Variants in ADO observed in about 807,000 individuals in gnomAD.
The protein encoded by ADO is 2-aminoethanethiol dioxygenase, also known as 2-aminoethanethiol (cysteamine) dioxygenase.
A neutral mutation model predicts 16.6 loss-of-function variants in ADO; 9 were observed. The ratio of observed to expected loss-of-function variants is 0.54; its 90% confidence interval spans 0.33 to 0.95. The LOEUF is 0.95. Among genes scored for constraint, ADO ranks in the 40% least tolerant of loss-of-function variants. The pLI, the probability that ADO is intolerant of heterozygous loss-of-function variation, is 0.03. For missense variants in ADO, 356 were observed against 386.4 expected (o/e 0.92, Z 0.66); for synonymous variants, 189 against 179.6 (o/e 1.05, Z -0.42).
chr10:62,805,307 C>A lies in ADO; in HGVS notation c.248C>A (p.Pro83Gln), dbSNP rs752509629. The A allele has an allele frequency of 1.2e-6, 2 of 1,604,088 alleles. No individual in the cohort carries two copies. Among genetic ancestry groups the A allele is most frequent in the African/African-American group, 2.7e-5 (2 of 74,884 alleles). Residue 83 changes from proline (P) to glutamine (Q), a missense_variant, in exon 1 of 1, where the codon CCG becomes CAG. Coordinates refer to ENST00000373783, the MANE Select transcript of ADO (RefSeq NM_032804.6). The surrounding 1 kb of genome is among the most constrained non-coding windows in gnomAD (Gnocchi z 6.4). ...CTGCAGCCGCTGCCGCCCAACCTGC[C>A]GCCAGTCACCTACATGCACATCTAC... ...ATLQPLPPNL[P>Q]PVTYMHIYET...
At position 62,805,303 on chromosome 10, in the gene ADO, C is replaced by A. The variant is rs767613495; in HGVS notation, c.244C>A (p.Leu82Met). 1.9e-6 allele frequency: 3 copies of A among 1,604,048 alleles called. No individual in the cohort carries two copies. Among genetic ancestry groups the A allele is most frequent in the African/African-American group, 2.7e-5 (2 of 74,902 alleles). Residue 82 changes from leucine to methionine, a missense_variant, in exon 1 of 1, where the codon CTG (leucine) becomes ATG (methionine). Transcript: ENST00000373783. This position sits in a 1 kb window ranked among gnomAD's most constrained non-coding sequence, Gnocchi z 6.4. Reference protein sequence around the residue: ...KATLQPLPPNLPPVTYMHIYE... With the variant: ...KATLQPLPPNMPPVTYMHIYE... ...CACACTGCAGCCGCTGCCGCCCAAC[C>A]TGCCGCCAGTCACCTACATGCACAT...
Position 62,805,928 on chromosome 10 carries a change from G to A in ADO, c.*56G>A. On this transcript the variant is annotated 3_prime_UTR_variant, in exon 1 of 1. Transcript: ENST00000373783. This position sits in a 1 kb window ranked among gnomAD's most constrained non-coding sequence, Gnocchi z 6.4. ...AGACGTGCCCTACCCTACCACAAGG[G>A]CTGTGTCTCTACCCCCTAGCCTGGG... 2.1e-6 allele frequency: 3 copies of A among 1,406,982 alleles called. No individual in the cohort carries two copies. Among genetic ancestry groups the A allele is most frequent in the Non-Finnish European group, 2.8e-6 (3 of 1,068,102 alleles). 87.2% of individuals were successfully genotyped at this position (1,406,982 alleles called of 1,614,324 possible). A position where few individuals can be genotyped will look rare whatever the true frequency, so the allele number is the denominator to read the frequency against.
In ADO at chr10:62,805,226, G is replaced by A. The variant is rs201201168; in HGVS notation, c.167G>A (p.Ser56Asn). ...CCCGAGAACCTGAGCAAGCTGAAGA[G>A]CCTCCTGACCCAGCTCCGCGCCGAG... Reference protein sequence around the residue: ...GFPENLSKLKSLLTQLRAEDL... With the variant: ...GFPENLSKLKNLLTQLRAEDL... Residue 56 changes from serine to asparagine, a missense_variant, in exon 1 of 1, where the codon AGC becomes AAC. Physicochemically the swap from Ser to Asn is conservative, Grantham distance 46. Coordinates refer to ENST00000373783, the MANE Select transcript of ADO (RefSeq NM_032804.6). The surrounding 1 kb of genome is among the most constrained non-coding windows in gnomAD (Gnocchi z 6.4). 3 of 1,602,708 alleles carry A rather than the reference G, an allele frequency of 1.9e-6. No homozygotes were observed. In the African/African-American group the frequency reaches 4.0e-5, roughly 22 times the overall value.
At position 62,806,121 on chromosome 10, in the gene ADO, G is replaced by T. The variant is rs1406690553; in HGVS notation, c.*249G>T. ...TGGGGCTTTGATTTGGAGGAATGGG[G>T]CAGGGGACTATCTGAAGCGCTTCCA... On this transcript the variant is annotated 3_prime_UTR_variant, in exon 1 of 1. Coordinates refer to ENST00000373783, the MANE Select transcript of ADO (RefSeq NM_032804.6). 4.3e-6 allele frequency: 2 copies of T among 462,764 alleles called. No homozygotes were observed. Among genetic ancestry groups the T allele is most frequent in the African/African-American group, 2.1e-5 (1 of 48,674 alleles). The allele number at this position is 462,764 out of a possible 1,614,324, so 28.7% of individuals were successfully genotyped here.
Position 62,805,268 on chromosome 10 carries a change from C to A in ADO, c.209C>A (p.Pro70Gln). Residue 70 changes from proline (P) to glutamine (Q), a missense_variant, in exon 1 of 1, where the codon CCG (proline) becomes CAG (glutamine). By Grantham distance (76) the Pro-to-Gln change is moderately conservative. Transcript: ENST00000373783. The surrounding 1 kb of genome is among the most constrained non-coding windows in gnomAD (Gnocchi z 6.4). ...QLRAEDLNIA[P>Q]RKATLQPLPP... is the part of the protein sequence containing the mutation. Reference sequence around the variant, plus strand: ...CGCGCCGAGGACTTGAACATCGCCCCGCGCAAGGCCACACTGCAGCCGCTG... The same window carrying A: ...CGCGCCGAGGACTTGAACATCGCCCAGCGCAAGGCCACACTGCAGCCGCTG... The A allele has an allele frequency of 4.4e-6, 7 of 1,603,346 alleles. No homozygotes were observed. Among genetic ancestry groups the A allele is most frequent in the Non-Finnish European group, 5.9e-6 (7 of 1,178,814 alleles).
rs370967109 is a variant in ADO at position 62,805,689 on chromosome 10, G to C, written c.630G>C (p.Pro210=). ...GPAAFLDILA[P]PYDPDDGRDC... is the part of the protein sequence containing the mutation. ...CCGCCTTCCTGGACATCCTGGCCCC[G>C]CCCTACGACCCGGACGATGGCCGGG... The change falls in exon 1 of 1, where the codon CCG becomes CCC. Residue 210 remains proline (P), a synonymous_variant. Coordinates refer to ENST00000373783, the MANE Select transcript of ADO (RefSeq NM_032804.6). The surrounding 1 kb of genome is among the most constrained non-coding windows in gnomAD (Gnocchi z 6.4). 6.2e-7 allele frequency: 1 copy of C among 1,610,964 alleles called. No homozygotes were observed. Among genetic ancestry groups the C allele is most frequent in the East Asian group, 2.2e-5 (1 of 44,772 alleles).
rs1484896285 is a variant in ADO at position 62,807,402 on chromosome 10, A to C, written c.*1530A>C. The C allele has an allele frequency of 6.0e-6, 1 of 167,202 alleles. No homozygotes were observed. Among genetic ancestry groups the C allele is most frequent in the Non-Finnish European group, 1.5e-5 (1 of 68,130 alleles). The allele number at this position is 167,202 out of a possible 1,614,324, so 10.4% of individuals were successfully genotyped here. Reference sequence around the variant, plus strand: ...TGGCAATAGAGTTCTAATATCTATAATAAAGGGAGATTTGCTATTATTAGT... The same window carrying C: ...TGGCAATAGAGTTCTAATATCTATACTAAAGGGAGATTTGCTATTATTAGT... On this transcript the variant is annotated 3_prime_UTR_variant, in exon 1 of 1. Coordinates refer to ENST00000373783, the MANE Select transcript of ADO (RefSeq NM_032804.6).
rs1842058201 is a variant in ADO at position 62,806,799 on chromosome 10, C to T, written c.*927C>T. 6.0e-6 allele frequency: 1 copy of T among 167,028 alleles called. No homozygotes were observed. The highest frequency in any genetic ancestry group is 6.5e-5 in the Admixed American group (1 of 15,292). The allele number at this position is 167,028 out of a possible 1,614,324, so 10.3% of individuals were successfully genotyped here. ...TGCTTCCAAACAACTGAATGTAAAA[C>T]ACTCCTAGCCAGTTGTTGCATTCCC... On this transcript the variant is annotated 3_prime_UTR_variant, in exon 1 of 1. Coordinates refer to ENST00000373783, the MANE Select transcript of ADO (RefSeq NM_032804.6).
In ADO at chr10:62,804,943, TG is replaced by T; in HGVS notation, c.-115del. ...CGGTGCCGCGCGCCCGACGGGCCGG[TG>T]GTTGCGGGGCCTCCCGCCTCGACCC... On this transcript the variant is annotated 5_prime_UTR_variant, in exon 1 of 1. Transcript: ENST00000373783. 1 of 981,016 alleles carries T rather than the reference TG, an allele frequency of 1.0e-6. No individual in the cohort carries two copies. The highest frequency in any genetic ancestry group is 1.3e-6 in the Non-Finnish European group (1 of 756,520). The allele number at this position is 981,016 out of a possible 1,614,324, so 60.8% of individuals were successfully genotyped here. A position where few individuals can be genotyped will look rare whatever the true frequency, so the allele number is the denominator to read the frequency against.
Position 62,805,472 on chromosome 10 carries a change from C to T in ADO, c.413C>T (p.Ala138Val), listed in dbSNP as rs749366294. The part of the protein sequence containing the change: ...VRISCMDKLD[A>V]GGGQRPRALP... ...ATCAGCTGCATGGACAAGCTAGACG[C>T]GGGCGGCGGGCAACGGCCGCGGGCC... The change falls in exon 1 of 1, where the codon GCG becomes GTG. Residue 138 changes from alanine to valine, a missense_variant. Physicochemically the swap from Ala to Val is moderately conservative, Grantham distance 64. Transcript: ENST00000373783. This position sits in a 1 kb window ranked among gnomAD's most constrained non-coding sequence, Gnocchi z 6.4. The T allele has an allele frequency of 6.5e-7, 1 of 1,540,102 alleles. No individual in the cohort carries two copies. The highest frequency in any genetic ancestry group is 1.2e-5 in the South Asian group (1 of 83,844).
chr10:62,805,772 C>A lies in ADO; in HGVS notation c.713C>A (p.Ala238Asp). ...PVRPKEASSS[A>D]CDLPREVWLL... The stretch of plus-strand genomic sequence containing the variant: ...AGGCCCAAGGAGGCCTCCAGCTCGG[C>A]CTGTGACCTGCCTCGAGAGGTGTGG... The change falls in exon 1 of 1, where the codon GCC (alanine) becomes GAC (aspartate). Residue 238 changes from alanine to aspartate, a missense_variant. By Grantham distance (126) the Ala-to-Asp change is moderately radical. Coordinates refer to ENST00000373783, the MANE Select transcript of ADO (RefSeq NM_032804.6). The surrounding 1 kb of genome is among the most constrained non-coding windows in gnomAD (Gnocchi z 6.4). 1.2e-6 allele frequency: 2 copies of A among 1,601,000 alleles called. No homozygotes were observed. The highest frequency in any genetic ancestry group is 1.3e-5 in the African/African-American group (1 of 74,854).
rs751307194 is a variant in ADO at position 62,805,144 on chromosome 10, G to C, written c.85G>C (p.Gly29Arg). Reference sequence around the variant, plus strand: ...CTTCCGGGGCAGCGGGGGCGGCCGCGGCGCTTCCGATCGCGACGCGGCTTC... The same window carrying C: ...CTTCCGGGGCAGCGGGGGCGGCCGCCGCGCTTCCGATCGCGACGCGGCTTC... ...LTFRGSGGGR[G>R]ASDRDAASGP... The change falls in exon 1 of 1, where the codon GGC becomes CGC. Residue 29 changes from glycine (G) to arginine (R), a missense_variant. Gly to Arg is a moderately radical substitution (Grantham distance 125). Coordinates refer to ENST00000373783, the MANE Select transcript of ADO (RefSeq NM_032804.6). This position sits in a 1 kb window ranked among gnomAD's most constrained non-coding sequence, Gnocchi z 6.4. 5.7e-6 allele frequency: 9 copies of C among 1,577,898 alleles called. No individual in the cohort carries two copies. In the Admixed American group the frequency reaches 9.3e-5, roughly 16 times the overall value.
chr10:62,805,303 C>T lies in ADO; in HGVS notation c.244C>T (p.Leu82=). 1 of 1,604,166 alleles carries T rather than the reference C, an allele frequency of 6.2e-7. No individual in the cohort carries two copies. Among genetic ancestry groups the T allele is most frequent in the Non-Finnish European group, 8.5e-7 (1 of 1,179,296 alleles). The change falls in exon 1 of 1, where the codon CTG becomes TTG. Residue 82 remains leucine (L), a synonymous_variant. Transcript: ENST00000373783. The surrounding 1 kb of genome is among the most constrained non-coding windows in gnomAD (Gnocchi z 6.4). ...CACACTGCAGCCGCTGCCGCCCAACCTGCCGCCAGTCACCTACATGCACAT... is the reference window on the plus strand; with the variant it reads ...CACACTGCAGCCGCTGCCGCCCAACTTGCCGCCAGTCACCTACATGCACAT... ...KATLQPLPPN[L]PPVTYMHIYE...
rs534696271 is a variant in ADO, at chr10:62,806,703, C to T, written c.*831C>T. 6.0e-6 allele frequency: 1 copy of T among 167,290 alleles called. No homozygotes were observed. The highest frequency in any genetic ancestry group is 2.4e-5 in the African/African-American group (1 of 41,580). 10.4% of individuals were successfully genotyped at this position (167,290 alleles called of 1,614,324 possible). ...TCACATGACTTTTTTTCTTGTCTTA[C>T]TGTACCTTAAAAGGTGATAGAGTAA... is the stretch of plus-strand genomic sequence containing the variant. On this transcript the variant is annotated 3_prime_UTR_variant, in exon 1 of 1. Coordinates refer to ENST00000373783, the MANE Select transcript of ADO (RefSeq NM_032804.6).
In ADO at chr10:62,805,038, G is replaced by A; in HGVS notation, c.-22G>A. Reference sequence around the variant, plus strand: ...GGAGGAAAGGAGGGGGCCGGTCCCGGCACGCAGAGGAGCAGCCGACCATGC... The same window carrying A: ...GGAGGAAAGGAGGGGGCCGGTCCCGACACGCAGAGGAGCAGCCGACCATGC... On this transcript the variant is annotated 5_prime_UTR_variant, in exon 1 of 1. Transcript: ENST00000373783. This position sits in a 1 kb window ranked among gnomAD's most constrained non-coding sequence, Gnocchi z 6.4. The A allele has an allele frequency of 7.0e-7, 1 of 1,437,906 alleles. No homozygotes were observed. The highest frequency in any genetic ancestry group is 2.7e-5 in the East Asian group (1 of 37,404). The allele number at this position is 1,437,906 out of a possible 1,614,324, so 89.1% of individuals were successfully genotyped here.
chr10:62,805,177 G>C lies in ADO; in HGVS notation c.118G>C (p.Glu40Gln). Residue 40 changes from glutamate to glutamine, a missense_variant, in exon 1 of 1, where the codon GAG becomes CAG. Physicochemically the swap from Glu to Gln is conservative, Grantham distance 29 (BLOSUM62 2). Coordinates refer to ENST00000373783, the MANE Select transcript of ADO (RefSeq NM_032804.6). This position sits in a 1 kb window ranked among gnomAD's most constrained non-coding sequence, Gnocchi z 6.4. ...CGATCGCGACGCGGCTTCTGGCCCG[G>C]AGGCGCCGATGCAGCCGGGCTTCCC... ...ASDRDAASGP[E>Q]APMQPGFPEN... 6.3e-7 allele frequency: 1 copy of C among 1,599,772 alleles called. No homozygotes were observed. Among genetic ancestry groups the C allele is most frequent in the Non-Finnish European group, 8.5e-7 (1 of 1,176,462 alleles).
rs1022623787 is a variant in ADO, at chr10:62,808,105, G to A, written c.*2233G>A. On this transcript the variant is annotated 3_prime_UTR_variant, in exon 1 of 1. Coordinates refer to ENST00000373783, the MANE Select transcript of ADO (RefSeq NM_032804.6). ...CAAAAGAGTAACTGAAATTGTTGCA[G>A]GCCAAAACAGCAATATGATATCTCA... The A allele has an allele frequency of 6.0e-6, 1 of 167,176 alleles. No individual in the cohort carries two copies. The highest frequency in any genetic ancestry group is 1.9e-4 in the East Asian group (1 of 5,336). The allele number at this position is 167,176 out of a possible 1,614,324, so 10.4% of individuals were successfully genotyped here. A position where few individuals can be genotyped will look rare whatever the true frequency, so the allele number is the denominator to read the frequency against.
Position 62,804,736 on chromosome 10 carries a change from T to C in ADO, c.-324T>C, listed in dbSNP as rs1014440114. The C allele has an allele frequency of 5.1e-6, 1 of 194,844 alleles. No individual in the cohort carries two copies. Among genetic ancestry groups the C allele is most frequent in the Non-Finnish European group, 1.0e-5 (1 of 96,418 alleles). The allele number at this position is 194,844 out of a possible 1,614,324, so 12.1% of individuals were successfully genotyped here. The stretch of plus-strand genomic sequence containing the variant: ...AGGGTCCCCGGGCGCCCGGCCACCG[T>C]CGTAGGTGCGGGCCGCATGAATGGA... On this transcript the variant is annotated 5_prime_UTR_variant, in exon 1 of 1. Transcript: ENST00000373783.
rs1371354376 is a variant in ADO, at chr10:62,805,507, G to A, written c.448G>A (p.Glu150Lys). The A allele has an allele frequency of 3.3e-6, 5 of 1,538,320 alleles. No individual in the cohort carries two copies. Among genetic ancestry groups the A allele is most frequent in the Non-Finnish European group, 3.5e-6 (4 of 1,145,102 alleles). Reference protein sequence around the residue: ...GGQRPRALPPEQQFEPPLQPR... With the variant: ...GGQRPRALPPKQQFEPPLQPR... ...GCAACGGCCGCGGGCCTTGCCGCCC[G>A]AGCAGCAGTTCGAGCCGCCGCTGCA... The change falls in exon 1 of 1, where the codon GAG becomes AAG. Residue 150 changes from glutamate to lysine, a missense_variant. Glu to Lys is a moderately conservative substitution (Grantham distance 56). Coordinates refer to ENST00000373783, the MANE Select transcript of ADO (RefSeq NM_032804.6). The surrounding 1 kb of genome is among the most constrained non-coding windows in gnomAD (Gnocchi z 6.4).
Sources: allele counts gnomAD v4.1 joint callset, GRCh38; gene constraint gnomAD v4.1.1; non-coding constraint Gnocchi (gnomAD v3.1); transcripts MANE v1.5; gene names NCBI Gene and HGNC (gene_info 2026-07-23, HGNC 2026-07-21).